The following FASTKD1 variants were observed in gnomAD, a reference collection of about 807,000 sequenced individuals.
The protein encoded by FASTKD1 is FAST kinase domain-containing protein 1, mitochondrial.
In FASTKD1, 94 loss-of-function variants were observed where a neutral mutation model predicts 90.9. The ratio of observed to expected loss-of-function variants is 1.03; its 90% CI spans 0.88 to 1.23. The LOEUF (loss-of-function observed/expected upper bound fraction) is 1.23. FASTKD1 is among the 50% of genes most tolerant of loss of function. The pLI is 0.00. For missense variants in FASTKD1, 945 were observed against 993.5 expected (o/e 0.95, Z 0.66); for synonymous variants, 319 against 345.8 (o/e 0.92, Z 0.86).
intron 2 of FASTKD1, among the ~76,000 whole-genome samples, chr2:169,569,627 G>C (rs904063415): frequency 6.6e-6 from 1 of 152,186 alleles, no homozygotes. Context: ...GAGGCGGGCG[G>C]ATCACTTAAG....
Position 169,569,186 on chromosome 2 carries a change from T to C in FASTKD1, c.444A>G (p.Glu148=), listed in dbSNP as rs1684125921. ...ALVTEAWRRL[E]RFDIKLLSEF... is the part of the protein sequence containing the mutation. ...CAAGATGAACCCAGGGTACTTGCCTTTCTAGCCTTCTCCATGCTTCTGTAA... is the reference window on the plus strand; with the variant it reads ...CAAGATGAACCCAGGGTACTTGCCTCTCTAGCCTTCTCCATGCTTCTGTAA... Residue 148 remains glutamate, a splice_region_variant and synonymous_variant, in exon 3 of 15, where the codon GAA becomes GAG. Coordinates refer to ENST00000453153, the MANE Select transcript of FASTKD1 (RefSeq NM_024622.6). 1 of 1,613,848 alleles carries C rather than the reference T, an allele frequency of 6.2e-7. No individual in the cohort carries two copies. Among genetic ancestry groups the C allele is most frequent in the Non-Finnish European group, 8.5e-7 (1 of 1,179,856 alleles).
chr2:169,570,024 A>C (rs1684161656), intron 2 of FASTKD1, among the ~76,000 whole-genome samples: 1 of 152,160 alleles, frequency 6.6e-6, no homozygotes, highest in Non-Finnish European at 1.5e-5. Flanking sequence ...ATCCTTTTTC[A>C]GTTTAACATC....
chr2:169,544,873 T>C (rs760388786), intron 8 of FASTKD1, 38 bp from the exon 9 acceptor site: 16 of 1,245,356 alleles, frequency 1.3e-5, no homozygotes, highest in African/African-American at 1.2e-4. Flanking sequence ...GTTTAAACTT[T>C]AGGAAAATAA....
At chr2:169,550,038 T>C (rs1346619019) in intron 7 of FASTKD1, among the ~76,000 whole-genome samples, 1 of 152,170 alleles carries the variant, frequency 6.6e-6, no homozygotes, top group Admixed American at 6.6e-5. Flanking sequence ...CATCTTTTTT[T>C]TTCTTTTAAG....
intron 7 of FASTKD1, among the ~76,000 whole-genome samples, chr2:169,549,383 A>G (rs561228995): frequency 6.6e-6 from 1 of 152,306 alleles, no homozygotes; most frequent in South Asian, 2.1e-4. Flanking sequence ...AGCCTGGGCA[A>G]CAAGAGCGAA....
rs758111477 is a variant in FASTKD1, at chr2:169,538,117, C to G, written c.1970G>C (p.Arg657Thr). ...LEILSPSRSA[R>T]VQFHLMELNR... ...TAACTCCATAAGATGAAACTGGACT[C>G]TTGCACTTCGAGATGGAGATAAAAC... Residue 657 changes from arginine to threonine, a missense_variant, in exon 11 of 15, where the codon AGA becomes ACA. Arg to Thr is a moderately conservative substitution (Grantham distance 71). Transcript: ENST00000453153. 1.2e-6 allele frequency: 2 copies of G among 1,606,104 alleles called. No homozygotes were observed. Among genetic ancestry groups the G allele is most frequent in the Admixed American group, 3.4e-5 (2 of 58,282 alleles).
chr2:169,533,353 C>T (rs1048351335), intron 12 of FASTKD1, among the ~76,000 whole-genome samples: 1 of 152,038 alleles, frequency 6.6e-6, no homozygotes, highest in Non-Finnish European at 1.5e-5. Context: ...AGGCACTGAA[C>T]CATCTTTAAA....
In FASTKD1 at chr2:169,560,492, G is replaced by A. The variant is rs1245980636; in HGVS notation, c.866C>T (p.Ala289Val). Residue 289 changes from alanine (A) to valine (V), a missense_variant, in exon 5 of 15, where the codon GCT (alanine) becomes GTT (valine). Transcript: ENST00000453153. ...AATCATTTCAGTTAGCTTCTTTTTA[G>A]CCATTATAATAAATTCAAAACTATT... ...QFNSFEFIIM[A>V]KKKLTEMIPL... The A allele has an allele frequency of 7.5e-6, 12 of 1,601,068 alleles. No individual in the cohort carries two copies. In the South Asian group the frequency reaches 9.0e-5, roughly 12 times the overall value.
intron 6 of FASTKD1, 71 bp from the exon 7 acceptor site, chr2:169,555,326 C>T: frequency 2.3e-6 from 3 of 1,290,644 alleles, no homozygotes; most frequent in Non-Finnish European, 3.3e-6. Flanking sequence ...TGCTTTCACA[C>T]CAGACACTCC....
In FASTKD1 at chr2:169,540,147, C is replaced by A. The variant is rs918204846; in HGVS notation, c.1849G>T (p.Gly617Cys). 17 of 1,595,054 alleles carry A rather than the reference C, an allele frequency of 1.1e-5. No homozygotes were observed. The highest frequency in any genetic ancestry group is 1.4e-5 in the Non-Finnish European group (16 of 1,166,540). ...ILDPFILVFL[G>C]FSLATLEYFP... is the part of the protein sequence containing the mutation. ...TATTCAAGTGTGGCCAAAGAGAAACCAAGAAACACTAATATAAAAGGATCC... is the reference window on the plus strand; with the variant it reads ...TATTCAAGTGTGGCCAAAGAGAAACAAAGAAACACTAATATAAAAGGATCC... The change falls in exon 10 of 15, where the codon GGT becomes TGT. Residue 617 changes from glycine (G) to cysteine (C), a missense_variant. By Grantham distance (159) the Gly-to-Cys change is radical. Coordinates refer to ENST00000453153, the MANE Select transcript of FASTKD1 (RefSeq NM_024622.6).
At chr2:169,568,757 C>T (rs1684106474) in intron 3 of FASTKD1, among the ~76,000 whole-genome samples, 3 of 151,324 alleles carry the variant, frequency 2.0e-5, no homozygotes, top group Admixed American at 6.6e-5. Context: ...TCCCAGTACT[C>T]TGGGAGGCTG....
chr2:169,557,342 T>A, intron 5 of FASTKD1, 45 bp from the exon 6 acceptor site: 1 of 1,095,916 alleles, frequency 9.1e-7, no homozygotes. Context: ...GACTGAAAAT[T>A]AGCTTGCAAT....
At chr2:169,555,065 A>T in intron 7 of FASTKD1, 59 bp downstream of exon 7, 1 of 1,529,590 alleles carries the variant, frequency 6.5e-7, no homozygotes, top group Admixed American at 2.0e-5. Context: ...ATAGTTAAAC[A>T]AAACAAATAT....
At chr2:169,570,592 C>T (rs1684189149) in intron 2 of FASTKD1, among the ~76,000 whole-genome samples, 1 of 152,022 alleles carries the variant, frequency 6.6e-6, no homozygotes, top group South Asian at 2.1e-4. Context: ...AACATATGTG[C>T]CGTCCATTTA....
chr2:169,569,015 A>C (rs1684118878), intron 3 of FASTKD1, among the ~76,000 whole-genome samples, 169 bp downstream of exon 3: 4 of 151,312 alleles, frequency 2.6e-5, no homozygotes, highest in Admixed American at 1.3e-4. Context: ...AAAAAAAAAA[A>C]CAACAACACA....
intron 8 of FASTKD1, among the ~76,000 whole-genome samples, chr2:169,545,657 T>A (rs575358122): frequency 6.6e-6 from 1 of 152,358 alleles, no homozygotes; most frequent in Admixed American, 6.5e-5. Context: ...GGATACCTTA[T>A]AATTTTCTCA....
At chr2:169,540,208 G>A (rs75958526) in intron 9 of FASTKD1, 29 bp from the exon 10 acceptor site, 50,131 of 1,502,900 alleles carry the variant, frequency 0.033, 1,117 homozygotes, top group East Asian at 0.11. Context: ...TTTTTTAAAG[G>A]TATAGCTGCC....
chr2:169,571,457 G>C (rs887569204), intron 2 of FASTKD1, among the ~76,000 whole-genome samples, 196 bp downstream of exon 2: 1 of 150,128 alleles, frequency 6.7e-6, no homozygotes, highest in Non-Finnish European at 1.5e-5. Flanking sequence ...CCATTGACTC[G>C]GAAGGCTGAG....
At chr2:169,562,030 T>TTAATTTATTGTAAAATAATTATTC (rs1559157421) in intron 4 of FASTKD1, among the ~76,000 whole-genome samples, 2 of 101,404 alleles carry the variant, frequency 2.0e-5, no homozygotes, top group Non-Finnish European at 4.4e-5. Context: ...ATTAATTATT[T>TTAATTTATTGTAAAATAATTATTC]ATTAATTTAT....
Sources: gnomAD v4.1 joint callset for allele counts (sites outside exome capture counted in the v4.1 genomes callset) on GRCh38, gnomAD v4.1.1 for gene constraint, MANE v1.5 for transcripts, NCBI Gene and HGNC (gene_info 2026-07-23, HGNC 2026-07-21) for gene names.